Variants in CNTN5 observed in about 807,000 individuals in gnomAD.
CNTN5 encodes the protein contactin-5.
CNTN5 carries 77 observed loss-of-function variants against 129.1 expected under a neutral mutation model. The ratio of observed to expected loss-of-function variants is 0.60; its 90% CI spans 0.50 to 0.72. The LOEUF is 0.72. Ranked by LOEUF, CNTN5 falls within the 30% of genes least tolerant of loss-of-function variation. The probability of loss-of-function intolerance (pLI) is 0.00; values close to 1 mark genes in which losing one functional copy is unlikely to be tolerated. For missense variants in CNTN5, 1,478 were observed against 1,328.8 expected, an observed-to-expected ratio of 1.11 and a Z score of -1.75; for synonymous variants, 509 against 465.6, an observed-to-expected ratio of 1.09 and a Z score of -1.20.
intron 22 of CNTN5, 75 bp downstream of exon 22, chr11:100,340,724 G>A (rs1003761451): frequency 2.3e-6 from 3 of 1,306,236 alleles, no homozygotes; most frequent in African/African-American, 1.5e-5. Flanking sequence ...GCCACGTGAG[G>A]TGCATAATAA....
chr11:99,920,813 A>G (rs1949919187), intron 7 of CNTN5, among the ~76,000 whole-genome samples: 1 of 152,104 alleles, frequency 6.6e-6, no homozygotes, highest in Non-Finnish European at 1.5e-5. Flanking sequence ...AACACTTGCC[A>G]ACTAATACCA....
chr11:100,299,211 C>T lies in CNTN5; in HGVS notation c.2435C>T (p.Ala812Val), dbSNP rs1377821758. ...QNGEGFGYIV[A>V]FRPNGTRGWK... ...GGGGAAGGCTTCGGCTATATTGTGGCTTTCAGACCCAATGGAACACGTGGC... is the reference window on the plus strand; with the variant it reads ...GGGGAAGGCTTCGGCTATATTGTGGTTTTCAGACCCAATGGAACACGTGGC... Residue 812 changes from alanine to valine, a missense_variant, in exon 20 of 25, where the codon GCT (alanine) becomes GTT (valine). Physicochemically the swap from Ala to Val is moderately conservative, Grantham distance 64 (BLOSUM62 0). Transcript: ENST00000524871. 3 of 1,609,818 alleles carry T rather than the reference C, an allele frequency of 1.9e-6. No homozygotes were observed. The highest frequency in any genetic ancestry group is 2.5e-6 in the Non-Finnish European group (3 of 1,177,340).
intron 13 of CNTN5, among the ~76,000 whole-genome samples, chr11:100,158,124 C>T (rs1284329920): frequency 1.3e-5 from 2 of 151,644 alleles, no homozygotes; most frequent in African/African-American, 4.8e-5. Context: ...TCTTCAAGTG[C>T]CAAGACAAAC....
At chr11:99,758,132 A>G (rs540545718) in intron 3 of CNTN5, among the ~76,000 whole-genome samples, 2 of 152,164 alleles carry the variant, frequency 1.3e-5, no homozygotes, top group Admixed American at 1.3e-4. Context: ...TATTTCTCCA[A>G]GTCCAGCCAT....
chr11:100,210,857 C>T (rs10501955), intron 15 of CNTN5, among the ~76,000 whole-genome samples: 1 of 152,000 alleles, frequency 6.6e-6, no homozygotes, highest in Non-Finnish European at 1.5e-5. Flanking sequence ...AACTATATGG[C>T]TCGATATGCC....
intron 7 of CNTN5, among the ~76,000 whole-genome samples, chr11:99,955,782 T>C (rs1950786922): frequency 6.6e-6 from 1 of 152,086 alleles, no homozygotes; most frequent in African/African-American, 2.4e-5. Context: ...GCCAGGATAG[T>C]CTCGATCTCC....
intron 9 of CNTN5, among the ~76,000 whole-genome samples, chr11:100,027,289 C>A (rs1187541521): frequency 2.0e-5 from 3 of 152,094 alleles, no homozygotes; most frequent in Non-Finnish European, 4.4e-5. Flanking sequence ...TATTCTTGAT[C>A]TTTGTTCTGA....
intron 3 of CNTN5, among the ~76,000 whole-genome samples, chr11:99,724,492 T>G (rs1406128991): frequency 6.6e-6 from 1 of 152,212 alleles, no homozygotes; most frequent in African/African-American, 2.4e-5. Context: ...TGCCAAACAT[T>G]GTTCTAAGCC....
intron 13 of CNTN5, among the ~76,000 whole-genome samples, chr11:100,095,165 G>A (rs1047669365): frequency 1.3e-5 from 2 of 152,008 alleles, no homozygotes; most frequent in Non-Finnish European, 2.9e-5. Flanking sequence ...CCAACTTAGA[G>A]GATGGATATA....
chr11:99,717,241 G>A (rs188190564), intron 3 of CNTN5, among the ~76,000 whole-genome samples: 10 of 152,078 alleles, frequency 6.6e-5, no homozygotes, highest in Admixed American at 2.0e-4. Flanking sequence ...GAACTTTCAA[G>A]AGAATATGTT....
Position 99,956,841 on chromosome 11 carries a change from T to TC in CNTN5, c.711dup (p.Phe238LeufsTer21). ...TAGCTGGGTATTTAATGAGTTCCCT[T>TC]CCTTTGTGGCGGAAGACAGCCGGCG... is the stretch of plus-strand genomic sequence containing the variant. On this transcript the variant is annotated frameshift_variant, in exon 8 of 25. Coordinates refer to ENST00000524871, the MANE Select transcript of CNTN5 (RefSeq NM_014361.4). LOFTEE classifies it high-confidence loss of function. 6.2e-7 allele frequency: 1 copy of TC among 1,613,952 alleles called. No individual in the cohort carries two copies. The highest frequency in any genetic ancestry group is 8.5e-7 in the Non-Finnish European group (1 of 1,179,856).
chr11:100,257,252 C>A (rs1277825642), intron 17 of CNTN5, among the ~76,000 whole-genome samples: 1 of 152,120 alleles, frequency 6.6e-6, no homozygotes, highest in African/African-American at 2.4e-5. Flanking sequence ...CCTCTCTGGG[C>A]AGGGCATCTC....
At chr11:99,439,114 T>TA (rs1413159007) in intron 2 of CNTN5, among the ~76,000 whole-genome samples, 2 of 152,164 alleles carry the variant, frequency 1.3e-5, no homozygotes, top group African/African-American at 4.8e-5. Context: ...AGCATTTGTA[T>TA]AAAAAATGCC....
At chr11:99,357,392 A>G (rs1488089593) in intron 2 of CNTN5, among the ~76,000 whole-genome samples, 1 of 151,816 alleles carries the variant, frequency 6.6e-6, no homozygotes, top group Non-Finnish European at 1.5e-5. Context: ...AAATTAAATA[A>G]CAATATTATA....
At chr11:99,802,607 A>G (rs1946149357) in intron 3 of CNTN5, among the ~76,000 whole-genome samples, 2 of 152,156 alleles carry the variant, frequency 1.3e-5, no homozygotes, top group Non-Finnish European at 2.9e-5. Context: ...GTGACTGTTC[A>G]AGAGGCCTGG....
chr11:99,660,985 G>A (rs1263843920), intron 3 of CNTN5, among the ~76,000 whole-genome samples: 1 of 151,882 alleles, frequency 6.6e-6, no homozygotes, highest in Non-Finnish European at 1.5e-5. Context: ...GATTATTCTT[G>A]TATTCTTCCT....
intron 9 of CNTN5, among the ~76,000 whole-genome samples, chr11:100,043,207 G>A (rs149340022): frequency 2.6e-5 from 4 of 152,230 alleles, no homozygotes; most frequent in East Asian, 1.9e-4. Flanking sequence ...TCAGCCATTT[G>A]AAAACAGCAA....
intron 3 of CNTN5, among the ~76,000 whole-genome samples, chr11:99,791,034 A>T (rs1411379056): frequency 6.6e-6 from 1 of 151,136 alleles, no homozygotes; most frequent in African/African-American, 2.4e-5. Context: ...TCAGTTTCTT[A>T]TAGATTATTA....
At chr11:99,152,985 C>T (rs992049286) in intron 1 of CNTN5, among the ~76,000 whole-genome samples, 1 of 152,176 alleles carries the variant, frequency 6.6e-6, no homozygotes, top group African/African-American at 2.4e-5. Context: ...TCTCTTCTGG[C>T]TAGTAGTGTT....
Sources: allele counts gnomAD v4.1 joint callset (sites outside exome capture counted in the v4.1 genomes callset), GRCh38; gene constraint gnomAD v4.1.1; transcripts MANE v1.5; gene names NCBI Gene and HGNC (gene_info 2026-07-23, HGNC 2026-07-21).